The following PTPRR variants were observed in gnomAD, a reference collection of about 807,000 sequenced individuals.
PTPRR encodes the protein receptor-type tyrosine-protein phosphatase R.
PTPRR carries 38 observed loss-of-function variants against 77.2 expected under a neutral mutation model. The ratio of observed to expected loss-of-function variants is 0.49; its 90% confidence interval spans 0.38 to 0.65. The LOEUF (loss-of-function observed/expected upper bound fraction) is 0.65, where lower values mean the gene tolerates loss of function less well. PTPRR is among the 30% of genes least tolerant of loss of function. The pLI is 0.00. For missense variants in PTPRR, 744 were observed against 799.2 expected, an observed-to-expected ratio of 0.93 and a Z score of 0.83; for synonymous variants, 299 against 283.1, an observed-to-expected ratio of 1.06 and a Z score of -0.57.
At chr12:70,673,007 T>A in intron 10 of PTPRR, 1 of 1,310,382 alleles carries the variant, frequency 7.6e-7, no homozygotes, top group Non-Finnish European at 9.9e-7. Flanking sequence ...TAGAGCTCTC[T>A]TCAATAAATA....
intron 2 of PTPRR, among the ~76,000 whole-genome samples, chr12:70,822,531 T>C (rs1892033492): frequency 6.6e-6 from 1 of 152,182 alleles, no homozygotes; most frequent in South Asian, 2.1e-4. Flanking sequence ...GTGTCTCTGG[T>C]ATCAGACACA....
In PTPRR at chr12:70,754,204, A is replaced by G; in HGVS notation, c.725T>C (p.Val242Ala). ...AAGCAAACTTACCATCAAACACGTTACTATAATAACAAAGATGCTGAGAAA... is the reference window on the plus strand; with the variant it reads ...AAGCAAACTTACCATCAAACACGTTGCTATAATAACAAAGATGCTGAGAAA... ...VIFLSIFVIIVTCLMILYRLK... is the reference protein window; with the variant it reads ...VIFLSIFVIIATCLMILYRLK... The change falls in exon 5 of 14, where the codon GTA becomes GCA. Residue 242 changes from valine (V) to alanine (A), a missense_variant. By Grantham distance (64) the Val-to-Ala change is moderately conservative. This residue lies in a region of PTPRR where 570 missense variants were observed against 573.2 expected (regional missense o/e 0.99). Transcript: ENST00000283228. 6.2e-7 allele frequency: 1 copy of G among 1,613,176 alleles called. No individual in the cohort carries two copies. Among genetic ancestry groups the G allele is most frequent in the Non-Finnish European group, 8.5e-7 (1 of 1,179,630 alleles).
intron 4 of PTPRR, chr12:70,754,839 G>T (rs778347159): frequency 1.4e-4 from 156 of 1,140,646 alleles, no homozygotes; most frequent in Non-Finnish European, 1.8e-4. Context: ...TAGAGTCTCT[G>T]CTGTCAAAAC....
intron 2 of PTPRR, among the ~76,000 whole-genome samples, chr12:70,787,312 T>C (rs763217267): frequency 2.0e-5 from 3 of 152,228 alleles, no homozygotes; most frequent in Non-Finnish European, 4.4e-5. Flanking sequence ...TTCCTTTTTG[T>C]GACAGCCAAA....
At chr12:70,895,350 T>C (rs757223757) in intron 1 of PTPRR, among the ~76,000 whole-genome samples, 6 of 151,644 alleles carry the variant, frequency 4.0e-5, no homozygotes, top group Non-Finnish European at 7.4e-5. Context: ...ACCAAGTCTT[T>C]TCAGAGCCAC....
chr12:70,876,443 A>G (rs1893053571), intron 2 of PTPRR, among the ~76,000 whole-genome samples: 1 of 152,192 alleles, frequency 6.6e-6, no homozygotes, highest in Non-Finnish European at 1.5e-5. Flanking sequence ...TAGTGTATAT[A>G]CAAACGTGAA....
chr12:70,698,390 G>A (rs1433674662), intron 7 of PTPRR, 41 bp from the exon 8 acceptor site: 3 of 1,537,536 alleles, frequency 2.0e-6, no homozygotes, highest in Admixed American at 1.7e-5. Context: ...ATCTAATACT[G>A]CCACAAAGAA....
chr12:70,712,679 G>A (rs868775340), intron 6 of PTPRR, among the ~76,000 whole-genome samples: 4 of 151,906 alleles, frequency 2.6e-5, no homozygotes, highest in East Asian at 1.9e-4. Context: ...AATTTGTCAC[G>A]TAAAGGACGT....
chr12:70,908,644 T>G (rs1349484006), intron 1 of PTPRR, among the ~76,000 whole-genome samples: 1 of 152,088 alleles, frequency 6.6e-6, no homozygotes, highest in Non-Finnish European at 1.5e-5. Context: ...AAGATGAGAC[T>G]TGGGTGAGGA....
intron 8 of PTPRR, among the ~76,000 whole-genome samples, chr12:70,688,117 G>A (rs1383358063): frequency 6.6e-6 from 1 of 152,102 alleles, no homozygotes; most frequent in Non-Finnish European, 1.5e-5. Context: ...TATTCATAAT[G>A]TTGTATTCAT....
intron 6 of PTPRR, among the ~76,000 whole-genome samples, chr12:70,723,835 T>C (rs1337014522): frequency 1.3e-5 from 2 of 152,178 alleles, no homozygotes; most frequent in African/African-American, 2.4e-5. Flanking sequence ...GAATCTGAAG[T>C]TTTATTTTTT....
At chr12:70,769,960 A>G (rs74645172) in intron 2 of PTPRR, among the ~76,000 whole-genome samples, 52,149 of 151,408 alleles carry the variant, frequency 0.34, 10,229 homozygotes, top group African/African-American at 0.54. Flanking sequence ...AGCCATATGT[A>G]GAAAGCTGAA....
chr12:70,707,839 T>G (rs1398259565), intron 6 of PTPRR, among the ~76,000 whole-genome samples: 1 of 152,074 alleles, frequency 6.6e-6, no homozygotes, highest in African/African-American at 2.4e-5. Context: ...CCTAGTTCAG[T>G]AGATTTTTTC....
intron 6 of PTPRR, among the ~76,000 whole-genome samples, chr12:70,728,527 G>GAA (rs1889536567): frequency 2.1e-5 from 1 of 48,178 alleles, no homozygotes; most frequent in Admixed American, 2.3e-4. Context: ...TCCAAAATCT[G>GAA]AATATATATA....
At chr12:70,689,955 C>T (rs1353139310) in intron 8 of PTPRR, among the ~76,000 whole-genome samples, 6 of 152,154 alleles carry the variant, frequency 3.9e-5, no homozygotes, top group East Asian at 1.9e-4. Flanking sequence ...GCATTAGTTG[C>T]GGCCATGTGA....
chr12:70,888,244 C>A (rs572932487), intron 2 of PTPRR, among the ~76,000 whole-genome samples: 1 of 152,116 alleles, frequency 6.6e-6, no homozygotes, highest in Non-Finnish European at 1.5e-5. Context: ...TCTTAGCATA[C>A]TATCAATGTT....
At chr12:70,852,011 T>C (rs1892579925) in intron 2 of PTPRR, among the ~76,000 whole-genome samples, 2 of 152,218 alleles carry the variant, frequency 1.3e-5, no homozygotes, top group Non-Finnish European at 2.9e-5. Context: ...ATGTTTAGGC[T>C]TTAAAGTTAG....
intron 1 of PTPRR, among the ~76,000 whole-genome samples, chr12:70,906,436 G>T (rs1485845633): frequency 1.3e-5 from 2 of 151,986 alleles, no homozygotes; most frequent in Non-Finnish European, 2.9e-5. Flanking sequence ...ATGTAAGGAG[G>T]CTAATATTAA....
chr12:70,857,607 GT>G (rs1892675313), intron 2 of PTPRR, among the ~76,000 whole-genome samples: 1 of 152,070 alleles, frequency 6.6e-6, no homozygotes, highest in Admixed American at 6.6e-5. Context: ...GGCAGTGATG[GT>G]AGAACAAGAA....
Sources: gnomAD v4.1 joint callset for allele counts (sites outside exome capture counted in the v4.1 genomes callset) on GRCh38, gnomAD v4.1.1 for gene constraint, gnomAD v4.1.1 regional missense constraint, MANE v1.5 for transcripts, NCBI Gene and HGNC (gene_info 2026-07-23, HGNC 2026-07-21) for gene names.